BBX: variants seen among roughly 807,000 people sequenced by gnomAD.
BBX encodes the protein BBX high mobility group box domain containing.
Under a neutral mutation model 100.2 loss-of-function variants are expected in BBX, and 30 were observed. The ratio of observed to expected loss-of-function variants is 0.30; its 90% CI spans 0.22 to 0.41. BBX has a LOEUF of 0.41. Ranked by LOEUF, BBX falls within the 10% of genes least tolerant of loss-of-function variation. The probability of loss-of-function intolerance (pLI) is 1.00; values close to 1 mark genes in which losing one functional copy is unlikely to be tolerated. For missense variants in BBX, 1,023 were observed against 1,129.8 expected (o/e 0.91, Z 1.35); for synonymous variants, 376 against 388.1 (o/e 0.97, Z 0.37).
chr3:107,581,373 A>G (rs1185112873), intron 2 of BBX, among the ~76,000 whole-genome samples: 1 of 151,916 alleles, frequency 6.6e-6, no homozygotes, highest in East Asian at 1.9e-4. Flanking sequence ...TCTTTTGGTT[A>G]TGCAGGCCAG....
At chr3:107,749,055 ACC>A (rs2064853600) in intron 9 of BBX, among the ~76,000 whole-genome samples, 1 of 152,022 alleles carries the variant, frequency 6.6e-6, no homozygotes, top group Non-Finnish European at 1.5e-5. Context: ...ATGACTTTAT[ACC>A]ATCGGTTGGC....
intron 5 of BBX, among the ~76,000 whole-genome samples, chr3:107,718,088 C>T (rs988731953): frequency 2.0e-5 from 3 of 150,540 alleles, no homozygotes; most frequent in African/African-American, 2.4e-5. Flanking sequence ...AAAAATACCA[C>T]GTAAAAATTT....
intron 2 of BBX, among the ~76,000 whole-genome samples, chr3:107,606,410 G>A (rs538248824): frequency 1.3e-5 from 2 of 152,284 alleles, no homozygotes; most frequent in East Asian, 3.9e-4. Context: ...TATTCCTTCA[G>A]CCGTTTGGTT....
intron 2 of BBX, among the ~76,000 whole-genome samples, chr3:107,631,036 T>A (rs897456527): frequency 6.6e-6 from 1 of 152,212 alleles, no homozygotes; most frequent in Admixed American, 6.5e-5. Flanking sequence ...CTCACAGATC[T>A]TCCTGTCTGC....
chr3:107,591,779 G>C (rs1464571838), intron 2 of BBX, among the ~76,000 whole-genome samples: 1 of 152,124 alleles, frequency 6.6e-6, no homozygotes, highest in Non-Finnish European at 1.5e-5. Context: ...TGAGCTGCCC[G>C]GCCAGTAAAT....
At chr3:107,602,979 TTTGA>T in intron 2 of BBX, among the ~76,000 whole-genome samples, 1 of 145,436 alleles carries the variant, frequency 6.9e-6, no homozygotes, top group South Asian at 2.3e-4. Flanking sequence ...TTTGTTTTGT[TTTGA>T]GACGGAGTCT....
intron 17 of BBX, 49 bp from the exon 18 acceptor site, chr3:107,805,321 C>G: frequency 6.4e-7 from 1 of 1,555,082 alleles, no homozygotes; most frequent in Non-Finnish European, 8.8e-7. Context: ...TCTCCTGTCT[C>G]TAATAACATA....
chr3:107,682,160 G>A (rs2059603880), intron 3 of BBX, among the ~76,000 whole-genome samples: 1 of 152,086 alleles, frequency 6.6e-6, no homozygotes, highest in African/African-American at 2.4e-5. Flanking sequence ...AGGAACATGG[G>A]TAGGGTGAGT....
chr3:107,590,969 C>T (rs144879780), intron 2 of BBX, among the ~76,000 whole-genome samples: 14 of 152,294 alleles, frequency 9.2e-5, no homozygotes, highest in African/African-American at 2.9e-4. Context: ...GCAGTATTGC[C>T]GGAAACTTAG....
chr3:107,727,270 C>G (rs1443485064), intron 5 of BBX, among the ~76,000 whole-genome samples: 3 of 152,106 alleles, frequency 2.0e-5, no homozygotes, highest in Non-Finnish European at 4.4e-5. Context: ...TCTGCTACTT[C>G]CATTTTCACC....
chr3:107,772,424 G>A lies in BBX; in HGVS notation c.907-204G>A, dbSNP rs578237221. Among the ~76,000 whole-genome samples the A allele has an allele frequency of 2.6e-5, 4 of 152,314 alleles. No individual in the cohort carries two copies. In the South Asian group the frequency reaches 6.2e-4, roughly 24 times the overall value. On this transcript the variant is annotated intron_variant, in intron 10 of 17. Transcript: ENST00000325805. ...ATGACAATTCAGAGATACGTTTGAC[G>A]AGTTAAATGACTGTATAACAGTGCC...
chr3:107,750,296 C>T (rs963497506), intron 9 of BBX, among the ~76,000 whole-genome samples: 4 of 151,886 alleles, frequency 2.6e-5, no homozygotes, highest in African/African-American at 9.7e-5. Context: ...ATTTGAGGAG[C>T]CTTTTAAAAA....
At chr3:107,585,810 A>G (rs1576401476) in intron 2 of BBX, among the ~76,000 whole-genome samples, 1 of 152,308 alleles carries the variant, frequency 6.6e-6, no homozygotes, top group Middle Eastern at 3.4e-3. Context: ...ACTTATTTTA[A>G]TTATGTTATT....
intron 3 of BBX, among the ~76,000 whole-genome samples, chr3:107,654,880 G>A (rs2058045650): frequency 6.6e-6 from 1 of 152,128 alleles, no homozygotes; most frequent in Non-Finnish European, 1.5e-5. Flanking sequence ...AGGTACTAGA[G>A]GGTATAATGT....
intron 2 of BBX, among the ~76,000 whole-genome samples, chr3:107,553,506 A>G (rs1457840953): frequency 6.6e-6 from 1 of 152,200 alleles, no homozygotes. Flanking sequence ...GTATGGGCTA[A>G]AGGACAGATT....
intron 11 of BBX, among the ~76,000 whole-genome samples, chr3:107,774,224 A>G (rs1026630360): frequency 5.9e-5 from 9 of 152,218 alleles, no homozygotes; most frequent in African/African-American, 1.9e-4. Flanking sequence ...TGAGTGTTTT[A>G]TATAAATTCT....
At chr3:107,533,333 T>G (rs2048288589) in intron 2 of BBX, among the ~76,000 whole-genome samples, 1 of 152,152 alleles carries the variant, frequency 6.6e-6, no homozygotes. Context: ...CAATGAAAAA[T>G]TATTTTGCTA....
At chr3:107,574,077 T>G (rs189473233) in intron 2 of BBX, among the ~76,000 whole-genome samples, 271 of 152,354 alleles carry the variant, frequency 1.8e-3, no homozygotes, top group Non-Finnish European at 2.4e-3. Context: ...GTATCTCTAT[T>G]TTTGGTTTGA....
chr3:107,691,380 C>A lies in BBX; in HGVS notation c.-9-19072C>A, dbSNP rs139388980. On this transcript the variant is annotated intron_variant, in intron 3 of 17. Coordinates refer to ENST00000325805, the MANE Select transcript of BBX (RefSeq NM_001142568.3). ...TTTTAGTACTTGGCTCTGGTTGGAG[C>A]ACATTCATTCTAAACACATAAAAGG... 2.2e-3 allele frequency among the ~76,000 whole-genome samples: 331 copies of A among 152,176 alleles called. 2 individuals carry two copies. The highest frequency in any genetic ancestry group is 7.6e-3 in the African/African-American group (317 of 41,510).
Sources: allele counts gnomAD v4.1 joint callset (sites outside exome capture counted in the v4.1 genomes callset), GRCh38; gene constraint gnomAD v4.1.1; transcripts MANE v1.5; gene names NCBI Gene and HGNC (gene_info 2026-07-23, HGNC 2026-07-21).